Variants in SCT observed in about 807,000 individuals in gnomAD.
The protein encoded by SCT is prepro-secretin.
In SCT, 17 loss-of-function variants were observed where a neutral mutation model predicts 10.9. That is an observed-to-expected ratio of 1.55 (90% CI 1.06 to 2.33). The LOEUF (loss-of-function observed/expected upper bound fraction) is 2.33, where lower values mean the gene tolerates loss of function less well. Ranked by LOEUF, SCT falls within the 30% of genes most tolerant of loss-of-function variation. The pLI is 0.00. For missense variants in SCT, 230 were observed against 165.9 expected (o/e 1.39, Z -2.12); for synonymous variants, 96 against 73.9 (o/e 1.30, Z -1.54).
rs1219335513 is a variant in SCT, at chr11:627,101, C to A, written c.43G>T (p.Gly15Cys). The A allele has an allele frequency of 3.6e-5, 40 of 1,118,762 alleles. No homozygotes were observed. The highest frequency in any genetic ancestry group is 4.4e-5 in the Non-Finnish European group (40 of 912,918). 69.3% of individuals were successfully genotyped at this position (1,118,762 alleles called of 1,614,324 possible). ...PLLLLLLLLG[G>C]SAARPAPPRA... ...GGGGGCGCGGGGCGCGCGGCGGAGCCCCCGAGGAGCAGCAGCAGCAGCAGG... is the reference window on the plus strand; with the variant it reads ...GGGGGCGCGGGGCGCGCGGCGGAGCACCCGAGGAGCAGCAGCAGCAGCAGG... Residue 15 changes from glycine (G) to cysteine (C), a missense_variant, in exon 1 of 4, where the codon GGC becomes TGC. Transcript: ENST00000176195.
At chr11:626,824 G>A in intron 2 of SCT, 35 bp from the exon 3 acceptor site, 1 of 1,546,588 alleles carries the variant, frequency 6.5e-7, no homozygotes, top group Non-Finnish European at 8.7e-7. Flanking sequence ...TAGTCCTGGA[G>A]CTGGGGGGTC....
chr11:626,814 T>G (rs766077948), intron 2 of SCT, 25 bp from the exon 3 acceptor site: 11 of 1,547,902 alleles, frequency 7.1e-6, no homozygotes, highest in African/African-American at 4.1e-5. Flanking sequence ...AAAACAGAGT[T>G]AGTCCTGGAG....
At position 626,525 on chromosome 11, in the gene SCT, G is replaced by C. The variant is rs1255747356; in HGVS notation, c.272C>G (p.Pro91Arg). The C allele has an allele frequency of 6.4e-7, 1 of 1,557,820 alleles. No homozygotes were observed. Among genetic ancestry groups the C allele is most frequent in the Admixed American group, 1.9e-5 (1 of 51,780 alleles). Residue 91 changes from proline to arginine, a missense_variant, in exon 4 of 4, where the codon CCC becomes CGC. Physicochemically the swap from Pro to Arg is moderately radical, Grantham distance 103 (BLOSUM62 -2). Coordinates refer to ENST00000176195, the MANE Select transcript of SCT (RefSeq NM_021920.4). ...CCAGGGAGACCAGGTCCCGTCCAGGGGCATCCTGCAGAGACAGCACGTGAG... is the reference window on the plus strand; with the variant it reads ...CCAGGGAGACCAGGTCCCGTCCAGGCGCATCCTGCAGAGACAGCACGTGAG... ...SNMPILQAWM[P>R]LDGTWSPWLP...
chr11:627,086 G>A lies in SCT; in HGVS notation c.58C>T (p.Pro20Ser). The A allele has an allele frequency of 8.8e-7, 1 of 1,131,612 alleles. No homozygotes were observed. Among genetic ancestry groups the A allele is most frequent in the South Asian group, 4.3e-5 (1 of 23,274 alleles). The allele number at this position is 1,131,612 out of a possible 1,614,324, so 70.1% of individuals were successfully genotyped here. ...CGGGCGGCTCACCTGGGGGGCGCGG[G>A]GCGCGCGGCGGAGCCCCCGAGGAGC... ...LLLLGGSAAR[P>S]APPRARRHSD... is the part of the protein sequence containing the mutation. The change falls in exon 1 of 4, where the codon CCC (proline) becomes TCC (serine). Residue 20 changes from proline to serine, a missense_variant. Coordinates refer to ENST00000176195, the MANE Select transcript of SCT (RefSeq NM_021920.4).
chr11:627,152 C>A lies in SCT; in HGVS notation c.-9G>T. The A allele has an allele frequency of 2.6e-6, 1 of 378,782 alleles. No individual in the cohort carries two copies. The highest frequency in any genetic ancestry group is 1.2e-4 in the South Asian group (1 of 8,538). The allele number at this position is 378,782 out of a possible 1,614,324, so 23.5% of individuals were successfully genotyped here. A position where few individuals can be genotyped will look rare whatever the true frequency, so the allele number is the denominator to read the frequency against. The stretch of plus-strand genomic sequence containing the variant: ...AGGGGCCGGGGGGCCATGGCGGGGT[C>A]GGGGCGCAGGAGCTGAGCGCTGCGG... On this transcript the variant is annotated 5_prime_UTR_variant, in exon 1 of 4. Transcript: ENST00000176195.
chr11:627,136 G>C lies in SCT; in HGVS notation c.8C>G (p.Pro3Arg). The change falls in exon 1 of 4, where the codon CCC (proline) becomes CGC (arginine). Residue 3 changes from proline to arginine, a missense_variant. Transcript: ENST00000176195. MA[P>R]RPLLLLLLLL... ...CAGCAGCAGCAGCAGGAGGGGCCGG[G>C]GGGCCATGGCGGGGTCGGGGCGCAG... 9.1e-7 allele frequency: 1 copy of C among 1,094,368 alleles called. No homozygotes were observed. The highest frequency in any genetic ancestry group is 1.1e-6 in the Non-Finnish European group (1 of 897,260). The allele number at this position is 1,094,368 out of a possible 1,614,324, so 67.8% of individuals were successfully genotyped here.
At position 626,512 on chromosome 11, in the gene SCT, GGTCCC is replaced by G. The variant is rs1484009784; in HGVS notation, c.280_284del (p.Gly94LeufsTer?). 12 of 1,560,550 alleles carry G rather than the reference GGTCCC, an allele frequency of 7.7e-6. No homozygotes were observed. The highest frequency in any genetic ancestry group is 2.7e-5 in the African/African-American group (2 of 73,528). On this transcript the variant is annotated frameshift_variant, in exon 4 of 4. Coordinates refer to ENST00000176195, the MANE Select transcript of SCT (RefSeq NM_021920.4). LOFTEE classifies it low-confidence loss of function (END_TRUNC). ...GCCCAGGGGGCAGCCAGGGAGACCAGGTCCCGTCCAGGGGCATCCTGCAGAGACAG... is the reference window on the plus strand; with the variant it reads ...GCCCAGGGGGCAGCCAGGGAGACCAGGTCCAGGGGCATCCTGCAGAGACAG...
In SCT at chr11:626,422, G is replaced by A; in HGVS notation, c.*9C>T. The A allele has an allele frequency of 6.5e-7, 1 of 1,549,326 alleles. No homozygotes were observed. Among genetic ancestry groups the A allele is most frequent in the Non-Finnish European group, 8.7e-7 (1 of 1,145,296 alleles). ...CCTGGGCCGGGCAGGTGGTGAGGGG[G>A]TTCCTTCCTCATCTGGGCCGCAAGG... is the stretch of plus-strand genomic sequence containing the variant. On this transcript the variant is annotated 3_prime_UTR_variant, in exon 4 of 4. Transcript: ENST00000176195.
Position 626,313 on chromosome 11 carries a change from G to C in SCT, c.*118C>G, listed in dbSNP as rs892233297. On this transcript the variant is annotated 3_prime_UTR_variant, in exon 4 of 4. Coordinates refer to ENST00000176195, the MANE Select transcript of SCT (RefSeq NM_021920.4). ...GGACACAGACAACTCCCAGCGTCTG[G>C]GTCTGATTCCTCCTTTATTGGTGCC... is the stretch of plus-strand genomic sequence containing the variant. 1.4e-6 allele frequency: 1 copy of C among 725,914 alleles called. No individual in the cohort carries two copies. 45.0% of individuals were successfully genotyped at this position (725,914 alleles called of 1,614,324 possible).
In SCT at chr11:627,180, A is replaced by G; in HGVS notation, c.-37T>C. ...GGCGCAGGAGCTGAGCGCTGCGGCC[A>G]CGGCCCCGGGCCCCCGCAAGGCCCC... On this transcript the variant is annotated 5_prime_UTR_variant, in exon 1 of 4. Transcript: ENST00000176195. The G allele has an allele frequency of 1.9e-6, 2 of 1,058,938 alleles. No homozygotes were observed. The highest frequency in any genetic ancestry group is 1.1e-6 in the Non-Finnish European group (1 of 874,146). 65.6% of individuals were successfully genotyped at this position (1,058,938 alleles called of 1,614,324 possible).
In SCT at chr11:627,108, GAGCAGC is replaced by G. The variant is rs531061147; in HGVS notation, c.30_35del (p.Leu12_Leu13del). 1.3e-4 allele frequency: 147 copies of G among 1,094,640 alleles called. No homozygotes were observed. Among genetic ancestry groups the G allele is most frequent in the Middle Eastern group, 7.7e-4 (2 of 2,614 alleles). 67.8% of individuals were successfully genotyped at this position (1,094,640 alleles called of 1,614,324 possible). A position where few individuals can be genotyped will look rare whatever the true frequency, so the allele number is the denominator to read the frequency against. ...CGGGGCGCGCGGCGGAGCCCCCGAG[GAGCAGC>G]AGCAGCAGCAGGAGGGGCCGGGGGG... is the stretch of plus-strand genomic sequence containing the variant. On this transcript the variant is annotated inframe_deletion, in exon 1 of 4. Transcript: ENST00000176195.
rs1025259811 is a variant in SCT, at chr11:627,047, G to A, written c.71+26C>T. 9.8e-6 allele frequency: 12 copies of A among 1,224,516 alleles called. No homozygotes were observed. In the African/African-American group the frequency reaches 1.1e-4, roughly 12 times the overall value. 75.9% of individuals were successfully genotyped at this position (1,224,516 alleles called of 1,614,324 possible). On this transcript the variant is annotated intron_variant, in intron 1 of 3. Transcript: ENST00000176195. The stretch of plus-strand genomic sequence containing the variant: ...ACTGGGGGCGGGTGGGGCCCGGGGG[G>A]CGGGCGGGCCTGGCGGGCGGCTCAC...
rs1307220353 is a variant in SCT, at chr11:626,450, C to T, written c.347G>A (p.Gly116Glu). The T allele has an allele frequency of 1.9e-6, 3 of 1,554,064 alleles. No homozygotes were observed. The highest frequency in any genetic ancestry group is 1.9e-5 in the Admixed American group (1 of 51,304). Reference sequence around the variant, plus strand: ...CCTTCCTCATCTGGGCCGCAAGGTTCCTTCTGCAGCAGCGCCAGCTGGTTC... The same window carrying T: ...CCTTCCTCATCTGGGCCGCAAGGTTTCTTCTGCAGCAGCGCCAGCTGGTTC... ...VSEPAGAAAEGTLRPR is the reference protein window; with the variant it reads ...VSEPAGAAAEETLRPR Residue 116 changes from glycine to glutamate, a missense_variant, in exon 4 of 4, where the codon GGA (glycine) becomes GAA (glutamate). Gly to Glu is a moderately conservative substitution (Grantham distance 98, BLOSUM62 -2). Transcript: ENST00000176195.
chr11:626,869 C>CCACCCCA lies in SCT; in HGVS notation c.173+12_173+18dup, dbSNP rs1729067044. 6.5e-7 allele frequency: 1 copy of CCACCCCA among 1,544,400 alleles called. No individual in the cohort carries two copies. Among genetic ancestry groups the CCACCCCA allele is most frequent in the African/African-American group, 1.4e-5 (1 of 72,988 alleles). Reference sequence around the variant, plus strand: ...TGCTGGGGCACCACGCCAGGACCCCCCACCCCACCCGGCCTCACCTGCGCT... The same window carrying CCACCCCA: ...TGCTGGGGCACCACGCCAGGACCCCCCACCCCACACCCCACCCGGCCTCACCTGCGCT... On this transcript the variant is annotated intron_variant, in intron 2 of 3. Transcript: ENST00000176195.
rs1172721086 is a variant in SCT at position 626,949 on chromosome 11, TGA to T, written c.110_111del (p.Leu37GlnfsTer?). ...RHSDGTFTSE[L>X]SRLREGARLQ... Reference sequence around the variant, plus strand: ...AGCCGCGCGCCCTCCCGCAGGCGGCTGAGCTCGCTGGTGAACGTCCCGTCTGA... The same window carrying T: ...AGCCGCGCGCCCTCCCGCAGGCGGCTGCTCGCTGGTGAACGTCCCGTCTGA... On this transcript the variant is annotated frameshift_variant, in exon 2 of 4. Coordinates refer to ENST00000176195, the MANE Select transcript of SCT (RefSeq NM_021920.4). LOFTEE classifies it high-confidence loss of function. The T allele has an allele frequency of 2.6e-6, 4 of 1,530,500 alleles. No individual in the cohort carries two copies. The highest frequency in any genetic ancestry group is 2.0e-5 in the Admixed American group (1 of 50,774). The allele number at this position is 1,530,500 out of a possible 1,614,324, so 94.8% of individuals were successfully genotyped here.
intron 3 of SCT, 69 bp downstream of exon 3, chr11:626,628 G>C (rs1857754014): frequency 6.8e-7 from 1 of 1,480,122 alleles, no homozygotes; most frequent in African/African-American, 1.4e-5. Context: ...CTGACCCGGG[G>C]AGGCCAGGAC....
Position 627,161 on chromosome 11 carries a change from G to A in SCT, c.-18C>T. Reference sequence around the variant, plus strand: ...GGGGCCATGGCGGGGTCGGGGCGCAGGAGCTGAGCGCTGCGGCCACGGCCC... The same window carrying A: ...GGGGCCATGGCGGGGTCGGGGCGCAAGAGCTGAGCGCTGCGGCCACGGCCC... On this transcript the variant is annotated 5_prime_UTR_variant, in exon 1 of 4. Transcript: ENST00000176195. 1 of 1,078,262 alleles carries A rather than the reference G, an allele frequency of 9.3e-7. No homozygotes were observed. The highest frequency in any genetic ancestry group is 1.1e-6 in the Non-Finnish European group (1 of 887,820). The allele number at this position is 1,078,262 out of a possible 1,614,324, so 66.8% of individuals were successfully genotyped here. A position where few individuals can be genotyped will look rare whatever the true frequency, so the allele number is the denominator to read the frequency against.
chr11:627,146 CGGGGTCGGGGCGCA>C lies in SCT; in HGVS notation c.-17_-4del, dbSNP rs1564906939. 8.1e-6 allele frequency: 2 copies of C among 248,190 alleles called. No individual in the cohort carries two copies. The highest frequency in any genetic ancestry group is 4.8e-5 in the African/African-American group (2 of 41,438). 15.4% of individuals were successfully genotyped at this position (248,190 alleles called of 1,614,324 possible). ...AGCAGGAGGGGCCGGGGGGCCATGG[CGGGGTCGGGGCGCA>C]GGAGCTGAGCGCTGCGGCCACGGCC... On this transcript the variant is annotated 5_prime_UTR_variant, in exon 1 of 4. Coordinates refer to ENST00000176195, the MANE Select transcript of SCT (RefSeq NM_021920.4).
At position 627,137 on chromosome 11, in the gene SCT, G is replaced by A; in HGVS notation, c.7C>T (p.Pro3Ser). 1 of 1,091,138 alleles carries A rather than the reference G, an allele frequency of 9.2e-7. No individual in the cohort carries two copies. The highest frequency in any genetic ancestry group is 1.1e-6 in the Non-Finnish European group (1 of 894,610). The allele number at this position is 1,091,138 out of a possible 1,614,324, so 67.6% of individuals were successfully genotyped here. A position where few individuals can be genotyped will look rare whatever the true frequency, so the allele number is the denominator to read the frequency against. Residue 3 changes from proline to serine, a missense_variant, in exon 1 of 4, where the codon CCC (proline) becomes TCC (serine). Physicochemically the swap from Pro to Ser is moderately conservative, Grantham distance 74 (BLOSUM62 -1). Transcript: ENST00000176195. MA[P>S]RPLLLLLLLL... ...AGCAGCAGCAGCAGGAGGGGCCGGGGGGCCATGGCGGGGTCGGGGCGCAGG... is the reference window on the plus strand; with the variant it reads ...AGCAGCAGCAGCAGGAGGGGCCGGGAGGCCATGGCGGGGTCGGGGCGCAGG...
Sources: allele counts gnomAD v4.1 joint callset, GRCh38; gene constraint gnomAD v4.1.1; transcripts MANE v1.5; gene names NCBI Gene and HGNC (gene_info 2026-07-23, HGNC 2026-07-21).